The following TMPO variants were observed in gnomAD, a reference collection of about 807,000 sequenced individuals.
TMPO encodes the protein thymopoietin, also known as LEM domain containing 4.
A neutral mutation model predicts 45.4 loss-of-function variants in TMPO; 22 were observed. The ratio of observed to expected loss-of-function variants is 0.48; its 90% CI spans 0.35 to 0.69. The LOEUF is 0.69. Among genes scored for constraint, TMPO ranks in the 30% least tolerant of loss-of-function variants. TMPO has a pLI of 0.01. For missense variants in TMPO, 512 were observed against 548.8 expected (o/e 0.93, Z 0.67); for synonymous variants, 241 against 204.1 (o/e 1.18, Z -1.54).
At chr12:98,528,286 TG>T (rs1351159734) in intron 2 of TMPO, among the ~76,000 whole-genome samples, 1 of 151,694 alleles carries the variant, frequency 6.6e-6, no homozygotes. Context: ...TTTTGTTTTT[TG>T]TTTTTTTGAG....
chr12:98,534,194 C>A (rs1197554572), intron 3 of TMPO: 1 of 1,613,882 alleles, frequency 6.2e-7, no homozygotes, highest in Non-Finnish European at 8.5e-7. Context: ...ATGGGAAATG[C>A]CACTGTAGGT....
chr12:98,533,516 C>A, intron 3 of TMPO: 1 of 1,614,174 alleles, frequency 6.2e-7, no homozygotes, highest in Non-Finnish European at 8.5e-7. Context: ...TTTCAAGAAA[C>A]TGAATTCCTG....
In TMPO at chr12:98,515,790, T is replaced by A; in HGVS notation, c.-78T>A. ...GTGAGGCTCGGAGGCGGCAGCGCGG[T>A]CCCCGGCCAGGAGCAAGCGCGCCGG... On this transcript the variant is annotated 5_prime_UTR_variant, in exon 1 of 9. Coordinates refer to ENST00000556029, the MANE Select transcript of TMPO (RefSeq NM_001032283.3). The A allele has an allele frequency of 6.4e-7, 1 of 1,553,744 alleles. No homozygotes were observed. The highest frequency in any genetic ancestry group is 8.7e-7 in the Non-Finnish European group (1 of 1,149,962).
intron 3 of TMPO, among the ~76,000 whole-genome samples, chr12:98,535,887 G>A (rs1272248123): frequency 3.9e-5 from 6 of 152,030 alleles, no homozygotes. Context: ...TCGTTTAACC[G>A]ATTTCTATTC....
chr12:98,547,729 C>T lies in TMPO; in HGVS notation c.1236C>T (p.Pro412=), dbSNP rs1371543293. 8.7e-6 allele frequency: 14 copies of T among 1,614,138 alleles called. No homozygotes were observed. Among genetic ancestry groups the T allele is most frequent in the Non-Finnish European group, 9.3e-6 (11 of 1,180,022 alleles). ...AGACAAAAAAGGGACGCTCCATTCC[C>T]GTATGGATAAAAATTTTGCTGTTTG... The part of the protein sequence containing the change: ...SEKTKKGRSI[P]VWIKILLFVV... The change falls in exon 9 of 9, where the codon CCC becomes CCT. Residue 412 remains proline (P), a synonymous_variant. Transcript: ENST00000556029.
At chr12:98,516,242 C>T (rs1875799110) in intron 1 of TMPO, 96 bp downstream of exon 1, 4 of 1,303,578 alleles carry the variant, frequency 3.1e-6, no homozygotes, top group Non-Finnish European at 2.9e-6. Flanking sequence ...GGCGCCCCCT[C>T]GGGCCTCCCA....
In TMPO at chr12:98,523,553, A is replaced by T. The variant is rs533844763; in HGVS notation, c.280-4333A>T. Among the ~76,000 whole-genome samples, 48 of 152,204 alleles carry T rather than the reference A, an allele frequency of 3.2e-4. 1 individual carries two copies. The highest frequency in any genetic ancestry group is 1.1e-3 in the African/African-American group (46 of 41,526). On this transcript the variant is annotated intron_variant, in intron 1 of 8. Transcript: ENST00000556029. ...TGAGACTCCATCTCAAAAAAAAAAA[A>T]ATCACGTTTTTGGTTTTAATTTATC...
chr12:98,525,347 T>A (rs371935657), intron 1 of TMPO, among the ~76,000 whole-genome samples: 1 of 152,362 alleles, frequency 6.6e-6, no homozygotes, highest in African/African-American at 2.4e-5. Flanking sequence ...ATTGTTCTTA[T>A]GAGCAGCTAT....
chr12:98,536,056 C>T (rs1291901030), intron 3 of TMPO, among the ~76,000 whole-genome samples: 1 of 152,050 alleles, frequency 6.6e-6, no homozygotes, highest in Non-Finnish European at 1.5e-5. Context: ...AAATCTTAGT[C>T]CTAAATAAAG....
Position 98,515,718 on chromosome 12 carries a change from C to A in TMPO, c.-150C>A. On this transcript the variant is annotated 5_prime_UTR_variant, in exon 1 of 9. Coordinates refer to ENST00000556029, the MANE Select transcript of TMPO (RefSeq NM_001032283.3). ...GTCCGGGTCTGGCTTGGCTTTGTGT[C>A]CGCGAGTTTTTGTTCCGCTCCGCAG... 1 of 1,498,846 alleles carries A rather than the reference C, an allele frequency of 6.7e-7. No individual in the cohort carries two copies. The highest frequency in any genetic ancestry group is 8.9e-7 in the Non-Finnish European group (1 of 1,118,500). The allele number at this position is 1,498,846 out of a possible 1,614,324, so 92.8% of individuals were successfully genotyped here.
intron 1 of TMPO, among the ~76,000 whole-genome samples, chr12:98,519,048 A>G (rs140761964): frequency 0.03 from 4,503 of 151,630 alleles, 81 homozygotes; most frequent in Non-Finnish European, 0.046. Flanking sequence ...CCCCCCAGCT[A>G]ATTTTTTGTA....
In TMPO at chr12:98,547,976, G is replaced by A. The variant is rs1299724843; in HGVS notation, c.*118G>A. 8 of 1,210,588 alleles carry A rather than the reference G, an allele frequency of 6.6e-6. No individual in the cohort carries two copies. Among genetic ancestry groups the A allele is most frequent in the African/African-American group, 4.6e-5 (3 of 65,252 alleles). 75.0% of individuals were successfully genotyped at this position (1,210,588 alleles called of 1,614,324 possible). A position where few individuals can be genotyped will look rare whatever the true frequency, so the allele number is the denominator to read the frequency against. ...ATAATGTGATTTCGCCTCAATAAAT[G>A]TAGTATTTCATTGAAAAGCAAACAA... On this transcript the variant is annotated 3_prime_UTR_variant, in exon 9 of 9. Coordinates refer to ENST00000556029, the MANE Select transcript of TMPO (RefSeq NM_001032283.3).
chr12:98,516,442 G>A, intron 1 of TMPO: 1 of 1,154,530 alleles, frequency 8.7e-7, no homozygotes, highest in Non-Finnish European at 1.1e-6. Flanking sequence ...ACCACCAGCC[G>A]CCTGCAGCGG....
rs1321510162 is a variant in TMPO at position 98,544,232 on chromosome 12, C to CTAT, written c.668_670dup (p.Tyr223dup). ...TTAATGTGTTGATGCTTGAATAGAGCTATTCTCAAGCTGGAATAACTGAGA... is the reference window on the plus strand; with the variant it reads ...TTAATGTGTTGATGCTTGAATAGAGCTATTATTCTCAAGCTGGAATAACTGAGA... On this transcript the variant is annotated inframe_insertion, in exon 5 of 9. Coordinates refer to ENST00000556029, the MANE Select transcript of TMPO (RefSeq NM_001032283.3). 7.4e-6 allele frequency: 12 copies of CTAT among 1,613,614 alleles called. No homozygotes were observed. The highest frequency in any genetic ancestry group is 3.3e-5 in the South Asian group (3 of 91,036).
Position 98,519,522 on chromosome 12 carries a change from C to T in TMPO, c.279+3376C>T, listed in dbSNP as rs542970438. ...CCCAGAAGTCATGTTTTTTAGAGTA[C>T]CTAGTAGGTCTATTGGCATGGTAAT... On this transcript the variant is annotated intron_variant, in intron 1 of 8. Transcript: ENST00000556029. Among the ~76,000 whole-genome samples, 13 of 152,188 alleles carry T rather than the reference C, an allele frequency of 8.5e-5. No homozygotes were observed. In the East Asian group the frequency reaches 2.5e-3, roughly 29 times the overall value.
intron 1 of TMPO, among the ~76,000 whole-genome samples, chr12:98,518,414 C>T (rs889407432): frequency 6.6e-6 from 1 of 151,114 alleles, no homozygotes; most frequent in Non-Finnish European, 1.5e-5. Flanking sequence ...GCCTCAGCTT[C>T]CCTGAGTAGC....
In TMPO at chr12:98,518,145, C is replaced by CAA. The variant is rs35978276; in HGVS notation, c.279+2018_279+2019dup. On this transcript the variant is annotated intron_variant, in intron 1 of 8. Transcript: ENST00000556029. ...GGGGGACAAGAGCGAGACTTCGTCT[C>CAA]AAAAAAAAAAAAAAAAAAAAGTTGT... 2.1e-4 allele frequency among the ~76,000 whole-genome samples: 21 copies of CAA among 98,250 alleles called. No individual in the cohort carries two copies. The East Asian group carries it at 2.7e-3, about 12-fold the overall frequency. The allele number at this position is 98,250 out of a possible 152,430, so 64.5% of individuals were successfully genotyped here. A position where few individuals can be genotyped will look rare whatever the true frequency, so the allele number is the denominator to read the frequency against.
At chr12:98,536,407 G>A (rs1039109361) in intron 3 of TMPO, among the ~76,000 whole-genome samples, 17 of 151,788 alleles carry the variant, frequency 1.1e-4, no homozygotes, top group Admixed American at 5.3e-4. Flanking sequence ...AAGCTGGAGT[G>A]CAATGGTGTG....
chr12:98,544,224 G>T lies in TMPO; in HGVS notation c.664-6G>T. On this transcript the variant is annotated splice_polypyrimidine_tract_variant and splice_region_variant and intron_variant, in intron 4 of 8. Transcript: ENST00000556029. ...ATGACTTTTTAATGTGTTGATGCTT[G>T]AATAGAGCTATTCTCAAGCTGGAAT... is the stretch of plus-strand genomic sequence containing the variant. 1.2e-6 allele frequency: 2 copies of T among 1,613,540 alleles called. No individual in the cohort carries two copies. The highest frequency in any genetic ancestry group is 2.2e-5 in the South Asian group (2 of 90,960).
Sources: gnomAD v4.1 joint callset for allele counts (sites outside exome capture counted in the v4.1 genomes callset) on GRCh38, gnomAD v4.1.1 for gene constraint, MANE v1.5 for transcripts, NCBI Gene and HGNC (gene_info 2026-07-23, HGNC 2026-07-21) for gene names.